The following SORCS1 variants were observed in gnomAD, a reference collection of about 807,000 sequenced individuals.
SORCS1 encodes the protein sortilin related VPS10 domain containing receptor 1, also known as VPS10 domain-containing receptor SorCS1.
Under a neutral mutation model 146.1 loss-of-function variants are expected in SORCS1, and 60 were observed. That is an observed-to-expected ratio of 0.41 (90% CI 0.33 to 0.51). The LOEUF is 0.51. Ranked by LOEUF, SORCS1 falls within the 20% of genes least tolerant of loss-of-function variation. SORCS1 has a pLI of 0.21. For missense variants in SORCS1, 1,352 were observed against 1,487.6 expected, an observed-to-expected ratio of 0.91 and a Z score of 1.50; for synonymous variants, 637 against 584.0, an observed-to-expected ratio of 1.09 and a Z score of -1.31.
chr10:106,921,286 C>G (rs553415349), intron 2 of SORCS1, among the ~76,000 whole-genome samples: 1 of 152,168 alleles, frequency 6.6e-6, no homozygotes, highest in East Asian at 1.9e-4. Context: ...AACTCTGATG[C>G]CTTTTTCTCA....
At chr10:107,118,620 G>A (rs907179084) in intron 1 of SORCS1, among the ~76,000 whole-genome samples, 1 of 152,124 alleles carries the variant, frequency 6.6e-6, no homozygotes, top group African/African-American at 2.4e-5. Flanking sequence ...ACAGACCGAT[G>A]GGTGACTATA....
intron 1 of SORCS1, among the ~76,000 whole-genome samples, chr10:107,022,824 G>A (rs941146939): frequency 4.6e-5 from 7 of 152,196 alleles, no homozygotes; most frequent in African/African-American, 1.7e-4. Flanking sequence ...GTTAAAATGT[G>A]GATTTCTGGG....
chr10:107,070,737 A>C (rs1163336831), intron 1 of SORCS1, among the ~76,000 whole-genome samples: 1 of 151,852 alleles, frequency 6.6e-6, no homozygotes, highest in Non-Finnish European at 1.5e-5. Flanking sequence ...AATTTCAAAA[A>C]GCAAAAATTT....
chr10:106,731,356 C>T (rs146240596), intron 5 of SORCS1, among the ~76,000 whole-genome samples: 26 of 150,602 alleles, frequency 1.7e-4, no homozygotes, highest in African/African-American at 5.6e-4. Context: ...GCGGTATCCA[C>T]GACCCTGCAC....
chr10:106,974,688 C>G (rs550378784), intron 1 of SORCS1, among the ~76,000 whole-genome samples: 4 of 152,120 alleles, frequency 2.6e-5, no homozygotes, highest in Non-Finnish European at 4.4e-5. Flanking sequence ...AATTACCAAC[C>G]CTGTCTGCAG....
intron 1 of SORCS1, among the ~76,000 whole-genome samples, chr10:107,052,829 T>A (rs756337218): frequency 1.3e-5 from 2 of 152,132 alleles, no homozygotes; most frequent in Admixed American, 6.6e-5. Flanking sequence ...ATTAGAACAT[T>A]AGTGATAGAA....
chr10:106,763,969 A>G (rs547483803), intron 4 of SORCS1, among the ~76,000 whole-genome samples: 1 of 152,340 alleles, frequency 6.6e-6, no homozygotes, highest in East Asian at 1.9e-4. Flanking sequence ...ATAAAGGAAA[A>G]AGATAATGAT....
intron 3 of SORCS1, among the ~76,000 whole-genome samples, chr10:106,808,859 G>T (rs1947319820): frequency 6.6e-6 from 1 of 152,168 alleles, no homozygotes; most frequent in African/African-American, 2.4e-5. Flanking sequence ...ATCAAAACCA[G>T]AGGACTCCAC....
At chr10:106,704,954 G>A (rs1854412905) in intron 8 of SORCS1, among the ~76,000 whole-genome samples, 2 of 152,106 alleles carry the variant, frequency 1.3e-5, no homozygotes, top group African/African-American at 4.8e-5. Flanking sequence ...TATTTATTGA[G>A]TTAACATGTT....
intron 17 of SORCS1, among the ~76,000 whole-genome samples, chr10:106,659,477 T>G (rs887157207): frequency 1.3e-5 from 2 of 152,202 alleles, no homozygotes; most frequent in East Asian, 3.8e-4. Flanking sequence ...ACGACTAAGT[T>G]AATATGAATT....
chr10:106,827,654 G>A (rs1455569837), intron 3 of SORCS1, among the ~76,000 whole-genome samples: 1 of 152,110 alleles, frequency 6.6e-6, no homozygotes, highest in African/African-American at 2.4e-5. Flanking sequence ...AAAAATAAAA[G>A]ATATAAGTTC....
chr10:106,863,170 GT>G (rs1357548657), intron 2 of SORCS1, among the ~76,000 whole-genome samples: 4 of 152,114 alleles, frequency 2.6e-5, no homozygotes, highest in Admixed American at 6.6e-5. Context: ...GAAAACTGTA[GT>G]TACATTTGGG....
chr10:107,000,043 G>A (rs1336680102), intron 1 of SORCS1, among the ~76,000 whole-genome samples: 3 of 152,282 alleles, frequency 2.0e-5, no homozygotes, highest in Admixed American at 2.0e-4. Flanking sequence ...AGTGGGAGAA[G>A]GGGAGAACTC....
At chr10:106,725,661 T>C (rs1856099410) in intron 6 of SORCS1, among the ~76,000 whole-genome samples, 1 of 151,974 alleles carries the variant, frequency 6.6e-6, no homozygotes, top group Admixed American at 6.6e-5. Context: ...CCAGCCATGG[T>C]GGCTCACGCT....
chr10:106,855,197 C>G (rs967340736), intron 2 of SORCS1, among the ~76,000 whole-genome samples: 1 of 152,104 alleles, frequency 6.6e-6, no homozygotes, highest in African/African-American at 2.4e-5. Context: ...TATTTCATCC[C>G]ACTCTCTTCT....
chr10:106,960,769 T>C lies in SORCS1; in HGVS notation c.559-4189A>G, dbSNP rs1955185585. 6.6e-6 allele frequency among the ~76,000 whole-genome samples: 1 copy of C among 152,112 alleles called. No homozygotes were observed. Among genetic ancestry groups the C allele is most frequent in the Non-Finnish European group, 1.5e-5 (1 of 68,018 alleles). ...TGCTGTTCTCAAATCACCCATTCCT[T>C]GGAGGGTAGAAGGGTGCCAGAAACA... On this transcript the variant is annotated intron_variant, in intron 1 of 25. Transcript: ENST00000263054. This position sits in a 1 kb window ranked among gnomAD's most constrained non-coding sequence, Gnocchi z 4.4.
chr10:106,905,239 A>C (rs1019903598), intron 2 of SORCS1, among the ~76,000 whole-genome samples: 3 of 152,162 alleles, frequency 2.0e-5, no homozygotes, highest in African/African-American at 7.2e-5. Context: ...TTAGTATACT[A>C]TATTAAGCAT....
intron 1 of SORCS1, among the ~76,000 whole-genome samples, chr10:107,048,242 G>T (rs1454433327): frequency 1.3e-5 from 2 of 152,144 alleles, no homozygotes; most frequent in Non-Finnish European, 2.9e-5. Context: ...TTATCAGACT[G>T]AAAGTAAGTG....
intron 6 of SORCS1, among the ~76,000 whole-genome samples, chr10:106,712,922 G>A (rs1564887664): frequency 6.6e-6 from 1 of 152,198 alleles, no homozygotes; most frequent in Non-Finnish European, 1.5e-5. Context: ...AAGGAGGAAT[G>A]TTGTCACTCT....
Sources: allele counts gnomAD v4.1 joint callset (sites outside exome capture counted in the v4.1 genomes callset), GRCh38; gene constraint gnomAD v4.1.1; non-coding constraint Gnocchi (gnomAD v3.1); transcripts MANE v1.5; gene names NCBI Gene and HGNC (gene_info 2026-07-23, HGNC 2026-07-21).